ADAMTSL3: variants seen among roughly 807,000 people sequenced by gnomAD.
ADAMTSL3 encodes the protein ADAMTS-like protein 3.
Under a neutral mutation model 201.7 loss-of-function variants are expected in ADAMTSL3, and 128 were observed. The observed-to-expected ratio is 0.63, with a 90% CI of 0.55 to 0.73. ADAMTSL3 has a LOEUF of 0.73. Ranked by LOEUF, ADAMTSL3 falls within the 30% of genes least tolerant of loss-of-function variation. The pLI is 0.00. For missense variants in ADAMTSL3, 1,990 were observed against 2,119.6 expected, an observed-to-expected ratio of 0.94 and a Z score of 1.20; for synonymous variants, 738 against 748.4, an observed-to-expected ratio of 0.99 and a Z score of 0.23.
chr15:83,892,632 A>G (rs1309794418), intron 12 of ADAMTSL3, 52 bp from the exon 13 acceptor site: 2 of 1,543,202 alleles, frequency 1.3e-6, no homozygotes, highest in Admixed American at 3.9e-5. Flanking sequence ...ATCTTTGCAA[A>G]CTTCAAACAA....
At chr15:83,893,569 G>A (rs2065553103) in intron 13 of ADAMTSL3, among the ~76,000 whole-genome samples, 1 of 152,148 alleles carries the variant, frequency 6.6e-6, no homozygotes, top group South Asian at 2.1e-4. Flanking sequence ...CAATTTTTGT[G>A]AAGACATAAT....
intron 16 of ADAMTSL3, among the ~76,000 whole-genome samples, chr15:83,919,534 G>C (rs2066098956): frequency 6.6e-6 from 1 of 152,146 alleles, no homozygotes; most frequent in African/African-American, 2.4e-5. Flanking sequence ...ATGGAAACCA[G>C]ATTTGAAAGG....
chr15:83,849,668 G>A (rs989311957), intron 7 of ADAMTSL3, among the ~76,000 whole-genome samples: 1 of 152,104 alleles, frequency 6.6e-6, no homozygotes, highest in Non-Finnish European at 1.5e-5. Flanking sequence ...AGGCCAAGGG[G>A]GTCCTTTACC....
At chr15:83,774,957 C>G (rs989740230) in intron 4 of ADAMTSL3, among the ~76,000 whole-genome samples, 1 of 151,618 alleles carries the variant, frequency 6.6e-6, no homozygotes, top group African/African-American at 2.4e-5. Context: ...CACAATTCTT[C>G]TGCCTCAGCC....
At chr15:83,750,865 A>G (rs2062627296) in intron 3 of ADAMTSL3, among the ~76,000 whole-genome samples, 1 of 152,142 alleles carries the variant, frequency 6.6e-6, no homozygotes, top group African/African-American at 2.4e-5. Context: ...AGACATTTTA[A>G]TTCGTTGATT....
At position 83,702,921 on chromosome 15, in the gene ADAMTSL3, G is replaced by A. The variant is rs556945813; in HGVS notation, c.70-1468G>A. 2.3e-3 allele frequency among the ~76,000 whole-genome samples: 355 copies of A among 152,222 alleles called. 6 individuals carry two copies. The highest frequency in any genetic ancestry group is 7.9e-4 in the Non-Finnish European group (54 of 68,014). On this transcript the variant is annotated intron_variant, in intron 2 of 29. Transcript: ENST00000286744. ...ACTGACAGCTTGGACCATGTTCCTC[G>A]AAGAGCCACAGACATTCAACGCCTG...
chr15:83,780,245 A>G lies in ADAMTSL3; in HGVS notation c.317+6595A>G, dbSNP rs112920500. The stretch of plus-strand genomic sequence containing the variant: ...ACCAACATGGTGAAACCCTGTCTCT[A>G]TTAAAAATACAAAAATTAGCTGGGC... On this transcript the variant is annotated intron_variant, in intron 4 of 29. Coordinates refer to ENST00000286744, the MANE Select transcript of ADAMTSL3 (RefSeq NM_207517.3). Among the ~76,000 whole-genome samples, 1,351 of 152,158 alleles carry G rather than the reference A, an allele frequency of 8.9e-3. 20 individuals are homozygous for G. Among genetic ancestry groups the G allele is most frequent in the African/African-American group, 0.031 (1,267 of 41,508 alleles).
intron 13 of ADAMTSL3, among the ~76,000 whole-genome samples, chr15:83,894,330 AAAG>A (rs1358969006): frequency 6.6e-6 from 1 of 152,222 alleles, no homozygotes; most frequent in Non-Finnish European, 1.5e-5. Flanking sequence ...TACTCCCTAA[AAAG>A]AAGATTAGAG....
At chr15:84,017,965 A>G (rs922826740) in intron 25 of ADAMTSL3, among the ~76,000 whole-genome samples, 1 of 152,236 alleles carries the variant, frequency 6.6e-6, no homozygotes, top group African/African-American at 2.4e-5. Flanking sequence ...AGAGAAGTCA[A>G]CTGAGTTTTC....
At chr15:83,941,910 G>T (rs1286450505) in intron 17 of ADAMTSL3, among the ~76,000 whole-genome samples, 1 of 152,158 alleles carries the variant, frequency 6.6e-6, no homozygotes, top group Non-Finnish European at 1.5e-5. Context: ...GCCATCAGAT[G>T]GGCAGAGACT....
At chr15:83,823,951 TCTTCTTCTTCTTCTTCTTCTTCTCCTC>T (rs1567169764) in intron 6 of ADAMTSL3, among the ~76,000 whole-genome samples, 17 of 72,188 alleles carry the variant, frequency 2.4e-4, no homozygotes, top group East Asian at 1.6e-3. Flanking sequence ...TTCTTCTTCT[TCTTCTTCTTCTTCTTCTTCTTCTCCTC>T]CTCCTCCTCC....
chr15:83,714,876 CCCTTCCTTCCTT>C (rs1191969866), intron 3 of ADAMTSL3, among the ~76,000 whole-genome samples: 352 of 21,976 alleles, frequency 0.016, 3 homozygotes, highest in East Asian at 0.061. Flanking sequence ...CTCCCTCCCT[CCCTTCCTTCCTT>C]CCTTCCTTCC....
chr15:83,743,040 T>C (rs957555010), intron 3 of ADAMTSL3, among the ~76,000 whole-genome samples: 3 of 152,208 alleles, frequency 2.0e-5, no homozygotes, highest in African/African-American at 7.2e-5. Flanking sequence ...TGTTCTGTTA[T>C]TGCTTATATC....
At chr15:83,664,903 C>T (rs2061227893) in intron 2 of ADAMTSL3, among the ~76,000 whole-genome samples, 1 of 152,096 alleles carries the variant, frequency 6.6e-6, no homozygotes, top group Non-Finnish European at 1.5e-5. Context: ...TCGCTTAAGC[C>T]CAGGCAGTTT....
At chr15:83,751,263 A>T (rs946617602) in intron 3 of ADAMTSL3, among the ~76,000 whole-genome samples, 1 of 152,234 alleles carries the variant, frequency 6.6e-6, no homozygotes. Flanking sequence ...ATATAATTTC[A>T]ACGTTATTAA....
intron 26 of ADAMTSL3, 97 bp from the exon 27 acceptor site, chr15:84,025,141 G>A (rs1423385324): frequency 5.9e-6 from 6 of 1,012,296 alleles, no homozygotes; most frequent in Non-Finnish European, 8.6e-6. Flanking sequence ...GCCTAAGATA[G>A]CCATGGTGTT....
intron 10 of ADAMTSL3, 28 bp from the exon 11 acceptor site, chr15:83,890,081 T>C (rs1314902162): frequency 9.4e-6 from 15 of 1,595,038 alleles, no homozygotes; most frequent in Non-Finnish European, 1.3e-5. Flanking sequence ...GGATGCAATA[T>C]TCAGACTTGC....
intron 3 of ADAMTSL3, among the ~76,000 whole-genome samples, chr15:83,737,388 G>T (rs1002660933): frequency 6.6e-6 from 1 of 152,170 alleles, no homozygotes; most frequent in Non-Finnish European, 1.5e-5. Flanking sequence ...GAGGTGATTG[G>T]ATCGGGGGCA....
At chr15:83,716,450 G>A (rs1173633415) in intron 3 of ADAMTSL3, among the ~76,000 whole-genome samples, 1 of 150,114 alleles carries the variant, frequency 6.7e-6, no homozygotes, top group East Asian at 2.0e-4. Context: ...GGAGGCGGAG[G>A]TTTGCAGTGA....
Sources: gnomAD v4.1 joint callset for allele counts (sites outside exome capture counted in the v4.1 genomes callset) on GRCh38, gnomAD v4.1.1 for gene constraint, MANE v1.5 for transcripts, NCBI Gene and HGNC (gene_info 2026-07-23, HGNC 2026-07-21) for gene names.